PPP4R3A: variants seen among roughly 807,000 people sequenced by gnomAD.
The protein encoded by PPP4R3A is serine/threonine-protein phosphatase 4 regulatory subunit 3A.
PPP4R3A carries 15 observed loss-of-function variants against 91.7 expected under a neutral mutation model. That is an observed-to-expected ratio of 0.16 (90% CI 0.11 to 0.25). The LOEUF is 0.25. PPP4R3A is among the 10% of genes least tolerant of loss of function. The pLI, the probability that PPP4R3A is intolerant of heterozygous loss-of-function variation, is 1.00. For synonymous variants in PPP4R3A, 377 were observed against 348.7 expected, an observed-to-expected ratio of 1.08 and a Z score of -0.91; for missense variants, 623 against 998.4, an observed-to-expected ratio of 0.62 and a Z score of 5.07.
chr14:91,460,119 C>A (rs977621049), intron 14 of PPP4R3A, among the ~76,000 whole-genome samples: 1 of 152,034 alleles, frequency 6.6e-6, no homozygotes, highest in Non-Finnish European at 1.5e-5. Flanking sequence ...TCACACCATT[C>A]GCCTGCCTCA....
chr14:91,506,820 G>C (rs565767522), intron 1 of PPP4R3A, among the ~76,000 whole-genome samples: 2 of 152,296 alleles, frequency 1.3e-5, no homozygotes, highest in African/African-American at 4.8e-5. Flanking sequence ...AAAATGCTGG[G>C]ATTATAGGCG....
At chr14:91,461,742 G>A (rs777216461) in intron 13 of PPP4R3A, 135 bp from the exon 14 acceptor site, 15 of 974,548 alleles carry the variant, frequency 1.5e-5, no homozygotes, top group Non-Finnish European at 2.1e-5. Flanking sequence ...TATAAAAGAA[G>A]CTTACCAAAA....
intron 10 of PPP4R3A, chr14:91,466,139 C>CA: frequency 1.5e-6 from 1 of 687,626 alleles, no homozygotes; most frequent in East Asian, 1.4e-4. Flanking sequence ...CTTAAGTCAC[C>CA]ATTCATCAAG....
chr14:91,506,226 C>G (rs1377496205), intron 1 of PPP4R3A, among the ~76,000 whole-genome samples: 3 of 152,212 alleles, frequency 2.0e-5, no homozygotes, highest in Non-Finnish European at 2.9e-5. Context: ...GGATTACAGG[C>G]ATGAGCCATT....
At position 91,467,419 on chromosome 14, in the gene PPP4R3A, T is replaced by G. The variant is rs191310943; in HGVS notation, c.1661-2000A>C. ...ACCTTCATTAACATTTCCAGGAACC[T>G]CTTGTGCTTAGTTTCAATCATCTCT... On this transcript the variant is annotated intron_variant, in intron 10 of 14. Coordinates refer to ENST00000554943, the MANE Select transcript of PPP4R3A (RefSeq NM_001366432.2). 6.0e-3 allele frequency among the ~76,000 whole-genome samples: 912 copies of G among 152,316 alleles called. 8 individuals carry two copies. The highest frequency in any genetic ancestry group is 9.9e-3 in the Admixed American group (151 of 15,308).
At chr14:91,466,940 A>ACACACACACAC (rs111240783) in intron 10 of PPP4R3A, among the ~76,000 whole-genome samples, 3 of 147,472 alleles carry the variant, frequency 2.0e-5, no homozygotes, top group East Asian at 4.0e-4. Flanking sequence ...GTCCTACCAT[A>ACACACACACAC]ACACACACAC....
intron 1 of PPP4R3A, among the ~76,000 whole-genome samples, chr14:91,493,158 G>A (rs1890327851): frequency 6.6e-6 from 1 of 151,990 alleles, no homozygotes; most frequent in Non-Finnish European, 1.5e-5. Context: ...GAAGGCTGAG[G>A]TGGGCAGATC....
chr14:91,479,950 T>G (rs1192590697), intron 4 of PPP4R3A, among the ~76,000 whole-genome samples: 1 of 152,210 alleles, frequency 6.6e-6, no homozygotes, highest in East Asian at 1.9e-4. Context: ...AAACTTCTAT[T>G]TCAGTTAGAA....
intron 1 of PPP4R3A, among the ~76,000 whole-genome samples, chr14:91,507,543 TTA>T (rs528280943): frequency 3.9e-5 from 3 of 76,164 alleles, no homozygotes; most frequent in Non-Finnish European, 7.8e-5. Context: ...ATACTATATA[TTA>T]TATATAGTTA....
At chr14:91,465,848 T>G (rs1888443993) in intron 10 of PPP4R3A, among the ~76,000 whole-genome samples, 1 of 152,186 alleles carries the variant, frequency 6.6e-6, no homozygotes, top group Non-Finnish European at 1.5e-5. Context: ...TCTTCAATAT[T>G]TTTGGACACT....
chr14:91,468,667 C>CAAAAAAAAAAAAAAAAAAAAAAAAAAAA (rs766250846), intron 10 of PPP4R3A, among the ~76,000 whole-genome samples: 2 of 45,042 alleles, frequency 4.4e-5, no homozygotes, highest in Admixed American at 4.7e-4. Context: ...GACTCCGTCT[C>CAAAAAAAAAAAAAAAAAAAAAAAAAAAA]AAAAAAAAAA....
intron 6 of PPP4R3A, among the ~76,000 whole-genome samples, 155 bp from the exon 7 acceptor site, chr14:91,476,121 T>C (rs1468502199): frequency 6.6e-6 from 1 of 152,254 alleles, no homozygotes; most frequent in African/African-American, 2.4e-5. Flanking sequence ...ATTGTACGGA[T>C]AAAATTATAC....
chr14:91,503,004 T>C (rs1303672539), intron 1 of PPP4R3A, among the ~76,000 whole-genome samples: 1 of 152,214 alleles, frequency 6.6e-6, no homozygotes, highest in East Asian at 1.9e-4. Context: ...TTTTTGTTTT[T>C]AGAAATAGGG....
intron 1 of PPP4R3A, among the ~76,000 whole-genome samples, chr14:91,503,608 T>G (rs796305519): frequency 9.2e-5 from 14 of 152,234 alleles, no homozygotes; most frequent in African/African-American, 3.4e-4. Context: ...GAAGAATAGC[T>G]AATGGATGCT....
chr14:91,468,751 C>G (rs1225661439), intron 10 of PPP4R3A, among the ~76,000 whole-genome samples: 1 of 143,298 alleles, frequency 7.0e-6, no homozygotes, highest in Non-Finnish European at 1.5e-5. Context: ...TTTTTTTACC[C>G]AATTAACATC....
chr14:91,477,605 G>A (rs542650233), intron 4 of PPP4R3A, among the ~76,000 whole-genome samples: 1 of 152,038 alleles, frequency 6.6e-6, no homozygotes, highest in Non-Finnish European at 1.5e-5. Context: ...ATGATTGTCC[G>A]GTCAATGTTT....
At chr14:91,468,691 G>GAAAAAAAAAAA (rs1385366300) in intron 10 of PPP4R3A, among the ~76,000 whole-genome samples, 2 of 74,702 alleles carry the variant, frequency 2.7e-5, no homozygotes, top group East Asian at 5.1e-4. Flanking sequence ...AAAAAAAAAG[G>GAAAAAAAAAAA]AAAAAAGAAA....
At chr14:91,489,915 G>C (rs146961304) in intron 2 of PPP4R3A, among the ~76,000 whole-genome samples, 1 of 152,154 alleles carries the variant, frequency 6.6e-6, no homozygotes, top group Non-Finnish European at 1.5e-5. Context: ...AACAAGTCAC[G>C]ACCTTTACGC....
chr14:91,506,717 T>C (rs758506817), intron 1 of PPP4R3A, among the ~76,000 whole-genome samples: 4 of 151,952 alleles, frequency 2.6e-5, no homozygotes, highest in East Asian at 1.9e-4. Context: ...CACCAGCTAA[T>C]GTTTGTATGT....
Sources: gnomAD v4.1 joint callset for allele counts (sites outside exome capture counted in the v4.1 genomes callset) on GRCh38, gnomAD v4.1.1 for gene constraint, MANE v1.5 for transcripts, NCBI Gene and HGNC (gene_info 2026-07-23, HGNC 2026-07-21) for gene names.